Variants in NDUFS3 observed in about 807,000 individuals in gnomAD.
NDUFS3 encodes NADH:ubiquinone oxidoreductase core subunit S3, also known as NADH dehydrogenase [ubiquinone] iron-sulfur protein 3, mitochondrial.
Under a neutral mutation model 30.8 loss-of-function variants are expected in NDUFS3, and 19 were observed. The ratio of observed to expected loss-of-function variants is 0.62; its 90% confidence interval spans 0.43 to 0.91. NDUFS3 has a LOEUF of 0.91. Among genes scored for constraint, NDUFS3 ranks in the 40% least tolerant of loss-of-function variants. The probability of loss-of-function intolerance (pLI) is 0.00; values close to 1 mark genes in which losing one functional copy is unlikely to be tolerated. For synonymous variants in NDUFS3, 153 were observed against 135.8 expected (o/e 1.13, Z -0.88); for missense variants, 331 against 342.0 (o/e 0.97, Z 0.25).
rs750546500 is a variant in NDUFS3, at chr11:47,582,381, C to A, written c.540C>A (p.Asn180Lys). ...ACATGTTTGGAGTCTTCTTTGCTAA[C>A]CACCCTGATCTAAGAAGGATCCTGA... is the stretch of plus-strand genomic sequence containing the variant. ...IWDMFGVFFA[N>K]HPDLRRILTD... is the part of the protein sequence containing the mutation. The change falls in exon 6 of 7, where the codon AAC (asparagine) becomes AAA (lysine). Residue 180 changes from asparagine (N) to lysine (K), a missense_variant. Asn to Lys is a moderately conservative substitution (Grantham distance 94). Transcript: ENST00000263774. The A allele has an allele frequency of 5.6e-5, 91 of 1,614,092 alleles. No homozygotes were observed. The highest frequency in any genetic ancestry group is 7.7e-5 in the Non-Finnish European group (91 of 1,180,044).
At position 47,582,570 on chromosome 11, in the gene NDUFS3, G is replaced by C. The variant is rs569487932; in HGVS notation, c.627+102G>C. 20 of 1,577,528 alleles carry C rather than the reference G, an allele frequency of 1.3e-5. No individual in the cohort carries two copies. In the East Asian group the frequency reaches 4.0e-4, roughly 32 times the overall value. ...GAAATACGGTCTGTGGATTGTGGTG[G>C]TTTAAGAGCATGGGCCCTGGATTCA... is the stretch of plus-strand genomic sequence containing the variant. On this transcript the variant is annotated intron_variant, in intron 6 of 6. Coordinates refer to ENST00000263774, the MANE Select transcript of NDUFS3 (RefSeq NM_004551.3).
chr11:47,579,335 GT>G lies in NDUFS3; in HGVS notation c.133+2del. The G allele has an allele frequency of 6.2e-7, 1 of 1,613,136 alleles. No homozygotes were observed. The highest frequency in any genetic ancestry group is 8.5e-7 in the Non-Finnish European group (1 of 1,179,600). On this transcript the variant is annotated splice_donor_variant, in intron 2 of 6. Transcript: ENST00000263774. LOFTEE classifies it high-confidence loss of function. Reference sequence around the variant, plus strand: ...GAGAGCGCCGGGGCCGACACGCGCCGTGAGTATGTGCGGGCAGCGCTCTTCT... The same window carrying G: ...GAGAGCGCCGGGGCCGACACGCGCCGGAGTATGTGCGGGCAGCGCTCTTCT...
Position 47,579,110 on chromosome 11 carries a change from G to C in NDUFS3, c.19G>C (p.Ala7Pro), listed in dbSNP as rs1055056584. ...GAGTAACATGGCGGCGGCGGCGGTA[G>C]CCAGGCTGTGGTGGCGCGGGATCTT... is the stretch of plus-strand genomic sequence containing the variant. MAAAAVARLWWRGILGA... is the reference protein window; with the variant it reads MAAAAVPRLWWRGILGA... The change falls in exon 1 of 7, where the codon GCC becomes CCC. Residue 7 changes from alanine (A) to proline (P), a missense_variant. Transcript: ENST00000263774. 5 of 1,581,478 alleles carry C rather than the reference G, an allele frequency of 3.2e-6. No homozygotes were observed. The highest frequency in any genetic ancestry group is 4.3e-6 in the Non-Finnish European group (5 of 1,165,508).
At chr11:47,581,503 T>C (rs2097268769) in intron 4 of NDUFS3, 1 of 223,342 alleles carries the variant, frequency 4.5e-6, no homozygotes, top group African/African-American at 2.3e-5. Context: ...AAAATAAATA[T>C]AAAGCTGTCC....
At chr11:47,581,562 T>C (rs2097268812) in intron 4 of NDUFS3, 2 of 227,032 alleles carry the variant, frequency 8.8e-6, no homozygotes, top group Non-Finnish European at 8.8e-6. Context: ...TTCAAGTAAA[T>C]TGCTTGCACA....
In NDUFS3 at chr11:47,584,327, A is replaced by T; in HGVS notation, c.641A>T (p.Asp214Val). 6.2e-7 allele frequency: 1 copy of T among 1,614,120 alleles called. No homozygotes were observed. The highest frequency in any genetic ancestry group is 1.1e-5 in the South Asian group (1 of 91,076). The change falls in exon 7 of 7, where the codon GAT (aspartate) becomes GTT (valine). Residue 214 changes from aspartate (D) to valine (V), a missense_variant. By Grantham distance (152) the Asp-to-Val change is radical (BLOSUM62 -3). Coordinates refer to ENST00000263774, the MANE Select transcript of NDUFS3 (RefSeq NM_004551.3). The part of the protein sequence containing the change: ...LSGYVELRYD[D>V]EVKRVVAEPV... ...TTGCTCCTGCAGTTACGTTATGATG[A>T]TGAAGTGAAGCGGGTGGTGGCAGAG...
chr11:47,581,052 AAC>A, intron 4 of NDUFS3, 68 bp downstream of exon 4: 2 of 1,588,894 alleles, frequency 1.3e-6, no homozygotes, highest in Non-Finnish European at 1.7e-6. Context: ...CATACAATAG[AAC>A]ACAGCAGTTA....
Position 47,583,535 on chromosome 11 carries a change from T to G in NDUFS3, c.628-779T>G, listed in dbSNP as rs139603033. Among the ~76,000 whole-genome samples, 535 of 152,258 alleles carry G rather than the reference T, an allele frequency of 3.5e-3. 2 individuals carry two copies. The highest frequency in any genetic ancestry group is 0.013 in the African/African-American group (520 of 41,550). On this transcript the variant is annotated intron_variant, in intron 6 of 6. Transcript: ENST00000263774. ...TACCTCTGAGGTGGGACCAGTAACGTGAATAAAGAATTTCAGTGGTGCTGC... is the reference window on the plus strand; with the variant it reads ...TACCTCTGAGGTGGGACCAGTAACGGGAATAAAGAATTTCAGTGGTGCTGC...
At chr11:47,579,626 C>T (rs2097266952) in intron 2 of NDUFS3, 3 of 568,208 alleles carry the variant, frequency 5.3e-6, no homozygotes, top group Non-Finnish European at 9.4e-6. Flanking sequence ...ATAATAGTAC[C>T]TAGCGTTAAT....
At chr11:47,580,349 T>C (rs2153795276) in intron 2 of NDUFS3, among the ~76,000 whole-genome samples, 176 bp from the exon 3 acceptor site, 1 of 152,034 alleles carries the variant, frequency 6.6e-6, no homozygotes, top group East Asian at 1.9e-4. Context: ...AGGTGGCACT[T>C]TCCCCAAGTT....
chr11:47,582,184 T>C lies in NDUFS3; in HGVS notation c.478T>C (p.Phe160Leu), dbSNP rs199783134. ...GCCCATTGAGTCTGCTGTCTCTGTG[T>C]TCAAGGCAGCCAACTGGTATGAAAG... ...LTPIESAVSV[F>L]KAANWYEREI... The change falls in exon 5 of 7, where the codon TTC (phenylalanine) becomes CTC (leucine). Residue 160 changes from phenylalanine to leucine, a missense_variant. Physicochemically the swap from Phe to Leu is conservative, Grantham distance 22 (BLOSUM62 0). Coordinates refer to ENST00000263774, the MANE Select transcript of NDUFS3 (RefSeq NM_004551.3). The C allele has an allele frequency of 2.6e-5, 42 of 1,614,050 alleles. No homozygotes were observed. The highest frequency in any genetic ancestry group is 1.2e-4 in the Admixed American group (7 of 60,006).
At chr11:47,584,195 G>C (rs2097270040) in intron 6 of NDUFS3, 119 bp from the exon 7 acceptor site, 1 of 1,302,932 alleles carries the variant, frequency 7.7e-7, no homozygotes, top group Admixed American at 1.7e-5. Context: ...GCTGGGACAG[G>C]AGTCAGTAAC....
intron 3 of NDUFS3, 27 bp downstream of exon 3, chr11:47,580,649 C>T (rs373884511): frequency 2.5e-6 from 4 of 1,609,994 alleles, no homozygotes; most frequent in African/African-American, 1.3e-5. Flanking sequence ...TTATTTGGGT[C>T]TGGGTCAAGA....
At chr11:47,581,504 A>G (rs922857175) in intron 4 of NDUFS3, 3 of 222,454 alleles carry the variant, frequency 1.3e-5, no homozygotes, top group East Asian at 1.2e-4. Context: ...AAATAAATAT[A>G]AAGCTGTCCT....
In NDUFS3 at chr11:47,580,607, T is replaced by C; in HGVS notation, c.216T>C (p.Tyr72=). 6.2e-7 allele frequency: 1 copy of C among 1,614,204 alleles called. No homozygotes were observed. Among genetic ancestry groups the C allele is most frequent in the Non-Finnish European group, 8.5e-7 (1 of 1,180,004 alleles). ...ATGTGGCTGAAATCTTGCCCAAGTA[T>C]GTCCAACAAGTTCAGGTAATACTTA... is the stretch of plus-strand genomic sequence containing the variant. The part of the protein sequence containing the change: ...GEYVAEILPK[Y]VQQVQVSCFN... Residue 72 remains tyrosine, a synonymous_variant, in exon 3 of 7, where the codon TAT becomes TAC. Coordinates refer to ENST00000263774, the MANE Select transcript of NDUFS3 (RefSeq NM_004551.3).
intron 6 of NDUFS3, 60 bp from the exon 7 acceptor site, chr11:47,584,254 C>G: frequency 6.2e-7 from 1 of 1,608,758 alleles, no homozygotes; most frequent in Non-Finnish European, 8.5e-7. Context: ...GAAAAGTAGG[C>G]TCCTGTGTAG....
chr11:47,582,906 AG>A (rs1358833380), intron 6 of NDUFS3, among the ~76,000 whole-genome samples: 1 of 152,062 alleles, frequency 6.6e-6, no homozygotes, highest in African/African-American at 2.4e-5. Flanking sequence ...CTGAGGTGGG[AG>A]GATCGCTTGA....
In NDUFS3 at chr11:47,579,250, C is replaced by CT. The variant is rs1452661005; in HGVS notation, c.68-15dup. ...CAGGGCTCATCCCGCGCGTCTGTGC[C>CT]TTTTATCTCCCTGTGCAGGGACTGG... On this transcript the variant is annotated intron_variant, in intron 1 of 6. Transcript: ENST00000263774. The CT allele has an allele frequency of 1.9e-6, 3 of 1,614,064 alleles. No homozygotes were observed. Among genetic ancestry groups the CT allele is most frequent in the Non-Finnish European group, 2.5e-6 (3 of 1,180,028 alleles).
Position 47,582,374 on chromosome 11 carries a change from T to C in NDUFS3, c.533T>C (p.Phe178Ser), listed in dbSNP as rs2097269185. ...REIWDMFGVF[F>S]ANHPDLRRIL... ...ATCTGGGACATGTTTGGAGTCTTCTTTGCTAACCACCCTGATCTAAGAAGG... is the reference window on the plus strand; with the variant it reads ...ATCTGGGACATGTTTGGAGTCTTCTCTGCTAACCACCCTGATCTAAGAAGG... The change falls in exon 6 of 7, where the codon TTT becomes TCT. Residue 178 changes from phenylalanine (F) to serine (S), a missense_variant. Coordinates refer to ENST00000263774, the MANE Select transcript of NDUFS3 (RefSeq NM_004551.3). 1 of 1,614,094 alleles carries C rather than the reference T, an allele frequency of 6.2e-7. No individual in the cohort carries two copies. The highest frequency in any genetic ancestry group is 8.5e-7 in the Non-Finnish European group (1 of 1,180,054).
Sources: allele counts gnomAD v4.1 joint callset (sites outside exome capture counted in the v4.1 genomes callset), GRCh38; gene constraint gnomAD v4.1.1; transcripts MANE v1.5; gene names NCBI Gene and HGNC (gene_info 2026-07-23, HGNC 2026-07-21).